ATCAY: variants seen among roughly 807,000 people sequenced by gnomAD.
The protein encoded by ATCAY is caytaxin.
ATCAY carries 22 observed loss-of-function variants against 47.7 expected under a neutral mutation model. That is an observed-to-expected ratio of 0.46 (90% confidence interval 0.33 to 0.66). The LOEUF is 0.66. ATCAY is among the 30% of genes least tolerant of loss of function. The probability of loss-of-function intolerance (pLI) is 0.02; values close to 1 mark genes in which losing one functional copy is unlikely to be tolerated. For missense variants in ATCAY, 452 were observed against 515.0 expected (o/e 0.88, Z 1.18); for synonymous variants, 216 against 207.6 (o/e 1.04, Z -0.35).
intron 9 of ATCAY, among the ~76,000 whole-genome samples, chr19:3,914,803 A>G (rs1457821394): frequency 6.7e-6 from 1 of 148,594 alleles, no homozygotes; most frequent in Non-Finnish European, 1.5e-5. Context: ...CCTGGGCAAC[A>G]AGAGTGAAAC....
chr19:3,920,931 T>TGGAAAAA, intron 12 of ATCAY, 133 bp downstream of exon 12: 8 of 1,110,440 alleles, frequency 7.2e-6, no homozygotes, highest in Non-Finnish European at 1.1e-5. Context: ...GGGATCCTAA[T>TGGAAAAA]CCCAGGAAAA....
At chr19:3,887,547 C>T (rs943993401) in intron 2 of ATCAY, among the ~76,000 whole-genome samples, 4 of 151,052 alleles carry the variant, frequency 2.6e-5, no homozygotes, top group African/African-American at 7.3e-5. Flanking sequence ...AGTGCAGTGG[C>T]GCGATCTTGG....
Position 3,904,877 on chromosome 19 carries a change from T to C in ATCAY, c.137-557T>C, listed in dbSNP as rs181484598. 1.9e-3 allele frequency among the ~76,000 whole-genome samples: 293 copies of C among 152,212 alleles called. 4 individuals are homozygous for C. Among genetic ancestry groups the C allele is most frequent in the African/African-American group, 6.8e-3 (283 of 41,526 alleles). On this transcript the variant is annotated intron_variant, in intron 3 of 12. Coordinates refer to ENST00000450849, the MANE Select transcript of ATCAY (RefSeq NM_033064.5). The stretch of plus-strand genomic sequence containing the variant: ...CTTTATTTATTTATTTATTTATTTT[T>C]GAGATAGAGTTTCACTCTGTCACCC...
intron 6 of ATCAY, among the ~76,000 whole-genome samples, chr19:3,909,275 A>C (rs530840358): frequency 1.3e-5 from 2 of 149,094 alleles, no homozygotes; most frequent in East Asian, 4.0e-4. Context: ...TAACTGCCCT[A>C]TGAGGATGCC....
At position 3,907,890 on chromosome 19, in the gene ATCAY, G is replaced by A. The variant is rs766940653; in HGVS notation, c.515G>A (p.Arg172Gln). ...QEHRIDLHMI[R>Q]PYMKVVTHGG... ...CACCGTATAGACCTGCACATGATCC[G>A]GCCTTACATGAAAGTGGTCACCCAC... The change falls in exon 5 of 13, where the codon CGG (arginine) becomes CAG (glutamine). Residue 172 changes from arginine to glutamine, a missense_variant. Physicochemically the swap from Arg to Gln is conservative, Grantham distance 43. Transcript: ENST00000450849. This position sits in a 1 kb window ranked among gnomAD's most constrained non-coding sequence, Gnocchi z 5.1. 47 of 1,613,744 alleles carry A rather than the reference G, an allele frequency of 2.9e-5. No individual in the cohort carries two copies. Among genetic ancestry groups the A allele is most frequent in the East Asian group, 6.7e-5 (3 of 44,894 alleles).
intron 2 of ATCAY, among the ~76,000 whole-genome samples, chr19:3,886,529 G>A (rs1027092272): frequency 6.7e-6 from 1 of 149,448 alleles, no homozygotes; most frequent in Non-Finnish European, 1.5e-5. Flanking sequence ...GGCGGAGCTT[G>A]CAGTGAGCCG....
intron 2 of ATCAY, among the ~76,000 whole-genome samples, chr19:3,890,247 A>ATTT (rs764697276): frequency 0.014 from 529 of 38,618 alleles, 75 homozygotes; most frequent in African/African-American, 0.034. Flanking sequence ...TCCACCTATA[A>ATTT]TTTTTTTTTT....
chr19:3,923,968 G>GTGGATGGA (rs58091636), intron 12 of ATCAY, among the ~76,000 whole-genome samples: 10 of 124,842 alleles, frequency 8.0e-5, no homozygotes, highest in African/African-American at 1.6e-4. Flanking sequence ...GAGTGGGTGG[G>GTGGATGGA]TGGATGGATG....
In ATCAY at chr19:3,905,749, G is replaced by A. The variant is rs182715344; in HGVS notation, c.358+94G>A. ...TTCCCATAGGCTCAGAGAGTCACAA[G>A]TGGGGCAGGGGCTCTAAGCAGTCTA... On this transcript the variant is annotated intron_variant, in intron 4 of 12. Transcript: ENST00000450849. The A allele has an allele frequency of 3.9e-5, 45 of 1,168,078 alleles. No homozygotes were observed. The African/African-American group carries it at 6.9e-4, about 18-fold the overall frequency. The allele number at this position is 1,168,078 out of a possible 1,614,324, so 72.4% of individuals were successfully genotyped here.
intron 1 of ATCAY, among the ~76,000 whole-genome samples, chr19:3,883,686 G>T (rs1207902211): frequency 6.6e-6 from 1 of 152,172 alleles, no homozygotes; most frequent in East Asian, 1.9e-4. Context: ...GTGTCCCCTT[G>T]CAGCAGGGGA....
chr19:3,904,305 C>T (rs1400481031), intron 3 of ATCAY, among the ~76,000 whole-genome samples: 7 of 152,298 alleles, frequency 4.6e-5, no homozygotes, highest in Middle Eastern at 3.4e-3. Flanking sequence ...GCCTGGGTAA[C>T]GGAGTGAGAC....
intron 10 of ATCAY, 72 bp downstream of exon 10, chr19:3,917,849 C>A: frequency 6.5e-7 from 1 of 1,540,828 alleles, no homozygotes; most frequent in Non-Finnish European, 8.8e-7. Flanking sequence ...TCAGTTAGGG[C>A]AACCCGGTGA....
intron 2 of ATCAY, among the ~76,000 whole-genome samples, chr19:3,899,406 A>G (rs2038796464): frequency 7.2e-6 from 1 of 138,466 alleles, no homozygotes; most frequent in Admixed American, 8.4e-5. Context: ...CTCCGCCTCC[A>G]GGGTTCAAGT....
intron 6 of ATCAY, among the ~76,000 whole-genome samples, chr19:3,909,000 T>C (rs573427832): frequency 1.1e-3 from 37 of 32,964 alleles, no homozygotes; most frequent in African/African-American, 8.5e-3. Flanking sequence ...TGAGAACCTG[T>C]CTCAAAAAAA....
At position 3,914,572 on chromosome 19, in the gene ATCAY, G is replaced by C. The variant is rs146070359; in HGVS notation, c.965+716G>C. 5.8e-3 allele frequency among the ~76,000 whole-genome samples: 884 copies of C among 152,138 alleles called. 9 individuals are homozygous for C. The highest frequency in any genetic ancestry group is 0.02 in the African/African-American group (845 of 41,500). The stretch of plus-strand genomic sequence containing the variant: ...CTATAATCCCAGCACTGTAATCCCA[G>C]CATTTTGAGAGGCTGAGACAGGCAG... On this transcript the variant is annotated intron_variant, in intron 9 of 12. Transcript: ENST00000450849.
At chr19:3,922,517 G>A (rs766777112) in intron 12 of ATCAY, among the ~76,000 whole-genome samples, 6 of 152,080 alleles carry the variant, frequency 3.9e-5, no homozygotes, top group East Asian at 1.9e-4. Context: ...TACCGCCCAC[G>A]ACAAGTGGGG....
At position 3,881,875 on chromosome 19, in the gene ATCAY, C is replaced by G. The variant is rs370483833; in HGVS notation, c.-42+867C>G. On this transcript the variant is annotated intron_variant, in intron 1 of 12. Transcript: ENST00000450849. ...GCTGGCTGCTGCCACCGCCCCCCCC[C>G]CGACCCCATAGCATCCAGGAGGGAT... 7.5e-5 allele frequency among the ~76,000 whole-genome samples: 11 copies of G among 146,012 alleles called. No individual in the cohort carries two copies. In the South Asian group the frequency reaches 1.4e-3, roughly 18 times the overall value.
Position 3,909,374 on chromosome 19 carries a change from T to G in ATCAY, c.648-112T>G, listed in dbSNP as rs1406909013. ...GGACAGCAGACAACACCTGGACCAG[T>G]GGGGCTGACCCAGCCAGCGGCAGGA... On this transcript the variant is annotated intron_variant, in intron 6 of 12. Coordinates refer to ENST00000450849, the MANE Select transcript of ATCAY (RefSeq NM_033064.5). 1.7e-5 allele frequency: 22 copies of G among 1,298,854 alleles called. No individual in the cohort carries two copies. The Admixed American group carries it at 2.6e-4, about 16-fold the overall frequency. The allele number at this position is 1,298,854 out of a possible 1,614,324, so 80.5% of individuals were successfully genotyped here.
In ATCAY at chr19:3,926,448, G is replaced by C. The variant is rs2039067371; in HGVS notation, c.*1856G>C. On this transcript the variant is annotated 3_prime_UTR_variant, in exon 13 of 13. Transcript: ENST00000450849. ...CACATTCTCCAGGCCCTTCTTCCTA[G>C]CTCTGTGGTTGACCTCTCAGCAAGT... 1 of 152,232 alleles carries C rather than the reference G, an allele frequency of 6.6e-6. No homozygotes were observed. The highest frequency in any genetic ancestry group is 1.5e-5 in the Non-Finnish European group (1 of 68,062). 9.4% of individuals were successfully genotyped at this position (152,232 alleles called of 1,614,324 possible). A position where few individuals can be genotyped will look rare whatever the true frequency, so the allele number is the denominator to read the frequency against.
Sources: gnomAD v4.1 joint callset for allele counts (sites outside exome capture counted in the v4.1 genomes callset) on GRCh38, gnomAD v4.1.1 for gene constraint, Gnocchi (gnomAD v3.1) non-coding constraint, MANE v1.5 for transcripts, NCBI Gene and HGNC (gene_info 2026-07-23, HGNC 2026-07-21) for gene names.